The following TMEM260 variants were observed in gnomAD, a reference collection of about 807,000 sequenced individuals.
TMEM260 encodes the protein transmembrane protein 260.
A neutral mutation model predicts 88.9 loss-of-function variants in TMEM260; 82 were observed. The ratio of observed to expected loss-of-function variants is 0.92; its 90% CI spans 0.77 to 1.11. The LOEUF is 1.11. Ranked by LOEUF, TMEM260 falls within the 50% of genes least tolerant of loss-of-function variation. TMEM260 has a pLI of 0.00. For synonymous variants in TMEM260, 314 were observed against 309.3 expected (o/e 1.02, Z -0.16); for missense variants, 902 against 853.4 (o/e 1.06, Z -0.71).
chr14:56,611,574 T>A (rs898422187), intron 6 of TMEM260, among the ~76,000 whole-genome samples: 3 of 152,152 alleles, frequency 2.0e-5, no homozygotes, highest in Admixed American at 6.6e-5. Context: ...AAGAGAATGC[T>A]TATACACTGC....
intron 15 of TMEM260, chr14:56,638,267 C>G (rs980217380): frequency 6.6e-6 from 1 of 151,550 alleles, no homozygotes; most frequent in South Asian, 2.1e-4. Context: ...CCCACTCTGC[C>G]ATTAGTTGTC....
At chr14:56,655,019 A>G (rs569518316), downstream of TMEM260, among the ~76,000 whole-genome samples, 1 of 152,260 alleles carries the variant, frequency 6.6e-6, no homozygotes, top group Non-Finnish European at 1.5e-5. Context: ...AATAGCTGTT[A>G]TTATAACAAT....
chr14:56,633,400 A>G, intron 13 of TMEM260: 1 of 376,048 alleles, frequency 2.7e-6, no homozygotes, highest in Non-Finnish European at 4.8e-6. Context: ...GGTTGTGTGG[A>G]TACCATGATG....
the TMEM260 span, among the ~76,000 whole-genome samples, chr14:56,660,575 G>A: frequency 1.3e-5 from 2 of 152,180 alleles, no homozygotes; most frequent in African/African-American, 4.8e-5. Context: ...GCTTAGAGAT[G>A]GGGAATTTGG....
At chr14:56,628,710 TAACC>T (rs1352585605) in intron 12 of TMEM260, among the ~76,000 whole-genome samples, 2 of 152,172 alleles carry the variant, frequency 1.3e-5, no homozygotes, top group Non-Finnish European at 2.9e-5. Flanking sequence ...CTTTTGTTTC[TAACC>T]AACCTATATC....
chr14:56,641,259 C>T (rs568251141), intron 15 of TMEM260, among the ~76,000 whole-genome samples: 1 of 152,094 alleles, frequency 6.6e-6, no homozygotes, highest in South Asian at 2.1e-4. Flanking sequence ...TAAGGGCAGC[C>T]AGAGAGAAAG....
chr14:56,645,431 G>A (rs1889896434), intron 15 of TMEM260, among the ~76,000 whole-genome samples: 1 of 151,970 alleles, frequency 6.6e-6, no homozygotes, highest in African/African-American at 2.4e-5. Context: ...CTCATAAGTG[G>A]GAATTGAACA....
At chr14:56,645,384 A>G (rs1566581901) in intron 15 of TMEM260, among the ~76,000 whole-genome samples, 1 of 152,110 alleles carries the variant, frequency 6.6e-6, no homozygotes, top group South Asian at 2.1e-4. Flanking sequence ...TGAGCAAACT[A>G]TCGCAAGGAC....
intron 15 of TMEM260, among the ~76,000 whole-genome samples, chr14:56,637,175 G>A (rs1367227061): frequency 6.6e-6 from 1 of 152,208 alleles, no homozygotes; most frequent in Admixed American, 6.5e-5. Flanking sequence ...CTTCAGAAGT[G>A]TGAGATAATA....
rs372321580 is a variant in TMEM260, at chr14:56,633,033, A to G, written c.1586A>G (p.Asp529Gly). The part of the protein sequence containing the change: ...TFVCIGIHEG[D>G]PTWKKNYSLW... Reference sequence around the variant, plus strand: ...GTTTGCATAGGAATTCATGAAGGCGACCCAACCTGGAAAAAGAACTATTCA... The same window carrying G: ...GTTTGCATAGGAATTCATGAAGGCGGCCCAACCTGGAAAAAGAACTATTCA... Residue 529 changes from aspartate (D) to glycine (G), a missense_variant, in exon 13 of 16, where the codon GAC becomes GGC. Asp to Gly is a moderately conservative substitution (Grantham distance 94, BLOSUM62 -1). Coordinates refer to ENST00000261556, the MANE Select transcript of TMEM260 (RefSeq NM_017799.4). 178 of 1,613,814 alleles carry G rather than the reference A, an allele frequency of 1.1e-4. No homozygotes were observed. The highest frequency in any genetic ancestry group is 1.5e-4 in the Non-Finnish European group (175 of 1,179,962).
the TMEM260 span, among the ~76,000 whole-genome samples, chr14:56,658,911 G>A: frequency 2.0e-5 from 3 of 152,064 alleles, no homozygotes; most frequent in Non-Finnish European, 2.9e-5. Context: ...TGTATTTTTA[G>A]TAGAGACAGG....
At chr14:56,657,764 G>A in the TMEM260 span, among the ~76,000 whole-genome samples, 1 of 152,072 alleles carries the variant, frequency 6.6e-6, no homozygotes. Flanking sequence ...TTCATTCTTG[G>A]GCTATCTGGA....
chr14:56,657,425 G>A, the TMEM260 span, among the ~76,000 whole-genome samples: 40 of 152,116 alleles, frequency 2.6e-4, no homozygotes, highest in Non-Finnish European at 4.9e-4. Flanking sequence ...TTACAGGCAT[G>A]AGCCACCATG....
intron 12 of TMEM260, among the ~76,000 whole-genome samples, chr14:56,629,690 T>C (rs2139617909): frequency 6.6e-6 from 1 of 152,296 alleles, no homozygotes; most frequent in Non-Finnish European, 1.5e-5. Context: ...GTTTGAAGGA[T>C]ATTTGTGGAA....
At chr14:56,627,809 A>T (rs945088749) in intron 12 of TMEM260, among the ~76,000 whole-genome samples, 6 of 152,190 alleles carry the variant, frequency 3.9e-5, no homozygotes, top group African/African-American at 1.4e-4. Flanking sequence ...CAGTTCTATG[A>T]ATTTTAACCC....
At chr14:56,618,881 C>G in intron 10 of TMEM260, 118 bp downstream of exon 10, 1 of 1,017,438 alleles carries the variant, frequency 9.8e-7, no homozygotes, top group East Asian at 2.6e-5. Context: ...AGTGAGACAG[C>G]TTGGTTGAAT....
intron 15 of TMEM260, among the ~76,000 whole-genome samples, chr14:56,646,565 T>C (rs1369767257): frequency 6.6e-6 from 1 of 152,236 alleles, no homozygotes. Context: ...CAATTAATAC[T>C]GTCTCTGATG....
chr14:56,616,094 T>C (rs1887578582), intron 8 of TMEM260, 67 bp downstream of exon 8: 1 of 1,208,642 alleles, frequency 8.3e-7, no homozygotes, highest in Non-Finnish European at 1.2e-6. Flanking sequence ...GTTTTCAGTA[T>C]GTCGCTGTAG....
Position 56,628,937 on chromosome 14 carries a change from C to T in TMEM260, c.1547+3407C>T, listed in dbSNP as rs534459260. 2.0e-5 allele frequency among the ~76,000 whole-genome samples: 3 copies of T among 151,616 alleles called. 1 individual carries two copies. Among genetic ancestry groups the T allele is most frequent in the Admixed American group, 6.6e-5 (1 of 15,246 alleles). ...TTGAGATGGAGTCTCACTCTGTCACCCAGGCAGGAGTACAGTGGCACAATC... is the reference window on the plus strand; with the variant it reads ...TTGAGATGGAGTCTCACTCTGTCACTCAGGCAGGAGTACAGTGGCACAATC... On this transcript the variant is annotated intron_variant, in intron 12 of 15. Coordinates refer to ENST00000261556, the MANE Select transcript of TMEM260 (RefSeq NM_017799.4).
Sources: gnomAD v4.1 joint callset for allele counts (sites outside exome capture counted in the v4.1 genomes callset) on GRCh38, gnomAD v4.1.1 for gene constraint, MANE v1.5 for transcripts, NCBI Gene and HGNC (gene_info 2026-07-23, HGNC 2026-07-21) for gene names.